The following AGAP1 variants were observed in gnomAD, a reference collection of about 807,000 sequenced individuals.
AGAP1 encodes the protein arf-GAP with GTPase, ANK repeat and PH domain-containing protein 1.
AGAP1 carries 29 observed loss-of-function variants against 105.3 expected under a neutral mutation model. That is an observed-to-expected ratio of 0.28 (90% CI 0.21 to 0.38). The LOEUF (loss-of-function observed/expected upper bound fraction) is 0.38, where lower values mean the gene tolerates loss of function less well. AGAP1 is among the 10% of genes least tolerant of loss of function. AGAP1 has a pLI of 1.00. For missense variants in AGAP1, 998 were observed against 1,165.1 expected (o/e 0.86, Z 2.09); for synonymous variants, 509 against 485.9 (o/e 1.05, Z -0.63).
At chr2:235,938,663 C>T (rs976982801) in intron 12 of AGAP1, among the ~76,000 whole-genome samples, 3 of 152,164 alleles carry the variant, frequency 2.0e-5, no homozygotes, top group Admixed American at 1.3e-4. Flanking sequence ...TTACATTCTG[C>T]ACTAAGAGGA....
In AGAP1 at chr2:235,662,410, T is replaced by C. The variant is rs1575065305; in HGVS notation, c.164-46769T>C. On this transcript the variant is annotated intron_variant, in intron 1 of 17. Coordinates refer to ENST00000304032, the MANE Select transcript of AGAP1 (RefSeq NM_001037131.3). This position sits in a 1 kb window ranked among gnomAD's most constrained non-coding sequence, Gnocchi z 4.2. ...CACTCCTAGGGACAGAGTGCGTCCATGGAGGGGAGGACTCACAGCAGTTTT... is the reference window on the plus strand; with the variant it reads ...CACTCCTAGGGACAGAGTGCGTCCACGGAGGGGAGGACTCACAGCAGTTTT... Among the ~76,000 whole-genome samples the C allele has an allele frequency of 1.3e-5, 2 of 152,114 alleles. No homozygotes were observed. The highest frequency in any genetic ancestry group is 4.1e-4 in the South Asian group (2 of 4,830).
intron 2 of AGAP1, among the ~76,000 whole-genome samples, chr2:235,713,317 A>G (rs560768936): frequency 6.6e-5 from 10 of 152,224 alleles, no homozygotes; most frequent in African/African-American, 2.2e-4. Flanking sequence ...ATAGAGGCCC[A>G]GGGTAAAAAA....
intron 16 of AGAP1, among the ~76,000 whole-genome samples, chr2:236,060,580 A>G (rs754665908): frequency 6.6e-6 from 1 of 152,168 alleles, no homozygotes; most frequent in Non-Finnish European, 1.5e-5. Context: ...GTCATAGGTA[A>G]GCTACTCAGG....
chr2:235,647,133 A>G (rs1328908290), intron 1 of AGAP1, among the ~76,000 whole-genome samples: 1 of 152,086 alleles, frequency 6.6e-6, no homozygotes, highest in East Asian at 1.9e-4. Context: ...AAAAAAAAAA[A>G]AAAAGAAAAG....
rs375984337 is a variant in AGAP1 at position 235,855,394 on chromosome 2, A to G, written c.1051-27951A>G. Among the ~76,000 whole-genome samples, 2 of 152,354 alleles carry G rather than the reference A, an allele frequency of 1.3e-5. No individual in the cohort carries two copies. Among genetic ancestry groups the G allele is most frequent in the East Asian group, 3.9e-4 (2 of 5,186 alleles). Reference sequence around the variant, plus strand: ...ACTGAAATTCTAAGCTCTCTTTGCTATACTACATTTAAAGATAATTGCTAA... The same window carrying G: ...ACTGAAATTCTAAGCTCTCTTTGCTGTACTACATTTAAAGATAATTGCTAA... On this transcript the variant is annotated intron_variant, in intron 9 of 17. Transcript: ENST00000304032. The surrounding 1 kb of genome is among the most constrained non-coding windows in gnomAD (Gnocchi z 5.0).
At chr2:235,529,546 A>G (rs1942973998) in intron 1 of AGAP1, among the ~76,000 whole-genome samples, 1 of 151,994 alleles carries the variant, frequency 6.6e-6, no homozygotes, top group Admixed American at 6.6e-5. Context: ...TCAGCATCAG[A>G]CTCCAGTTAA....
Position 235,752,518 on chromosome 2 carries a change from C to G in AGAP1, c.673+2030C>G, listed in dbSNP as rs192640077. Among the ~76,000 whole-genome samples, 1 of 152,096 alleles carries G rather than the reference C, an allele frequency of 6.6e-6. No homozygotes were observed. The highest frequency in any genetic ancestry group is 2.4e-5 in the African/African-American group (1 of 41,418). On this transcript the variant is annotated intron_variant, in intron 6 of 17. Transcript: ENST00000304032. This position sits in a 1 kb window ranked among gnomAD's most constrained non-coding sequence, Gnocchi z 4.3. Reference sequence around the variant, plus strand: ...CATGACGCAGAGCCACGCTTTGTGTCGATGGGCTGCAGCGGGTTTGGGCCC... The same window carrying G: ...CATGACGCAGAGCCACGCTTTGTGTGGATGGGCTGCAGCGGGTTTGGGCCC...
In AGAP1 at chr2:235,787,975, C is replaced by G. The variant is rs1956751493; in HGVS notation, c.674-9784C>G. Among the ~76,000 whole-genome samples the G allele has an allele frequency of 6.6e-6, 1 of 152,158 alleles. No individual in the cohort carries two copies. Among genetic ancestry groups the G allele is most frequent in the Non-Finnish European group, 1.5e-5 (1 of 68,030 alleles). On this transcript the variant is annotated intron_variant, in intron 6 of 17. Transcript: ENST00000304032. This position sits in a 1 kb window ranked among gnomAD's most constrained non-coding sequence, Gnocchi z 4.4. ...AGCATTGTAAGACCAAGAGCATGAC[C>G]ATGAACATTCTGGGACCAAGAGTTT... is the stretch of plus-strand genomic sequence containing the variant.
intron 12 of AGAP1, among the ~76,000 whole-genome samples, chr2:235,943,766 C>G (rs1011056587): frequency 5.3e-5 from 8 of 152,068 alleles, no homozygotes; most frequent in South Asian, 2.1e-4. Context: ...ATGGCTAGGT[C>G]GAGAGACAGC....
At chr2:235,972,975 GAGA>G (rs1220468115) in intron 13 of AGAP1, among the ~76,000 whole-genome samples, 4 of 152,104 alleles carry the variant, frequency 2.6e-5, no homozygotes, top group African/African-American at 9.7e-5. Flanking sequence ...AGGACCCTGC[GAGA>G]AGGTCTTCCT....
chr2:235,522,828 G>T (rs997516722), intron 1 of AGAP1, among the ~76,000 whole-genome samples: 1 of 152,262 alleles, frequency 6.6e-6, no homozygotes, highest in Non-Finnish European at 1.5e-5. Flanking sequence ...CTGTTAGAGC[G>T]ATTTGTCCTG....
chr2:235,949,771 C>A (rs78374288), intron 12 of AGAP1, among the ~76,000 whole-genome samples: 4,661 of 152,272 alleles, frequency 0.031, 98 homozygotes, highest in South Asian at 0.065. Context: ...TGAGCTACCC[C>A]AGCCACGCCG....
chr2:235,715,043 C>G (rs150056196), intron 2 of AGAP1, among the ~76,000 whole-genome samples: 79 of 152,200 alleles, frequency 5.2e-4, no homozygotes, highest in African/African-American at 1.8e-3. Flanking sequence ...ATGATCTGCC[C>G]GCTTCGGCCC....
chr2:235,702,539 G>A (rs951384391), intron 1 of AGAP1, among the ~76,000 whole-genome samples: 10 of 152,162 alleles, frequency 6.6e-5, no homozygotes, highest in African/African-American at 2.2e-4. Context: ...TGTTGGTGTT[G>A]TTTGCTGAGG....
chr2:235,934,214 G>A lies in AGAP1; in HGVS notation c.1483+3291G>A, dbSNP rs1449600970. On this transcript the variant is annotated intron_variant, in intron 12 of 17. Coordinates refer to ENST00000304032, the MANE Select transcript of AGAP1 (RefSeq NM_001037131.3). This position sits in a 1 kb window ranked among gnomAD's most constrained non-coding sequence, Gnocchi z 4.9. The stretch of plus-strand genomic sequence containing the variant: ...CTCAGGGGATGGGACCAGGCAACCT[G>A]TGTATAGCAAGCCCTCTGGGATCAC... Among the ~76,000 whole-genome samples the A allele has an allele frequency of 6.6e-6, 1 of 152,226 alleles. No individual in the cohort carries two copies. The highest frequency in any genetic ancestry group is 1.9e-4 in the East Asian group (1 of 5,172).
chr2:235,494,903 G>A, intron 1 of AGAP1, 54 bp downstream of exon 1: 1 of 1,500,312 alleles, frequency 6.7e-7, no homozygotes, highest in South Asian at 1.2e-5. Flanking sequence ...CCGCGGCGCG[G>A]CGGGGGTGTG....
intron 6 of AGAP1, among the ~76,000 whole-genome samples, chr2:235,773,614 C>T (rs1009549491): frequency 6.6e-6 from 1 of 152,182 alleles, no homozygotes; most frequent in African/African-American, 2.4e-5. Flanking sequence ...CTTAGGTTCC[C>T]TGCCCCCATA....
chr2:235,865,750 G>C lies in AGAP1; in HGVS notation c.1051-17595G>C, dbSNP rs927687010. On this transcript the variant is annotated intron_variant, in intron 9 of 17. Transcript: ENST00000304032. The surrounding 1 kb of genome is among the most constrained non-coding windows in gnomAD (Gnocchi z 6.2). ...GTTCCTATGGAAACACTTTAAACTA[G>C]AGAGAAAGTTAAAAAGATTTAGTAG... Among the ~76,000 whole-genome samples, 2 of 152,174 alleles carry C rather than the reference G, an allele frequency of 1.3e-5. No homozygotes were observed. The highest frequency in any genetic ancestry group is 2.9e-5 in the Non-Finnish European group (2 of 68,032).
chr2:235,876,434 T>G (rs1386631905), intron 9 of AGAP1, among the ~76,000 whole-genome samples: 1 of 152,188 alleles, frequency 6.6e-6, no homozygotes, highest in Non-Finnish European at 1.5e-5. Context: ...GTCACCATAT[T>G]CACCCCTAGG....
Sources: gnomAD v4.1 joint callset for allele counts (sites outside exome capture counted in the v4.1 genomes callset) on GRCh38, gnomAD v4.1.1 for gene constraint, Gnocchi (gnomAD v3.1) non-coding constraint, MANE v1.5 for transcripts, NCBI Gene and HGNC (gene_info 2026-07-23, HGNC 2026-07-21) for gene names.